E2F3: variants seen among roughly 807,000 people sequenced by gnomAD.
The protein encoded by E2F3 is E2F transcription factor 3.
A neutral mutation model predicts 44.4 loss-of-function variants in E2F3; 11 were observed. That is an observed-to-expected ratio of 0.25 (90% CI 0.16 to 0.41). The LOEUF is 0.41. Ranked by LOEUF, E2F3 falls within the 10% of genes least tolerant of loss-of-function variation. E2F3 has a pLI of 1.00. For synonymous variants in E2F3, 249 were observed against 253.0 expected, an observed-to-expected ratio of 0.98 and a Z score of 0.15; for missense variants, 487 against 583.6, an observed-to-expected ratio of 0.83 and a Z score of 1.70.
At chr6:20,481,749 G>A (rs796283129) in intron 3 of E2F3, among the ~76,000 whole-genome samples, 19 of 152,224 alleles carry the variant, frequency 1.2e-4, no homozygotes, top group African/African-American at 4.1e-4. Context: ...GTGCACCCAC[G>A]TGTGTATCTG....
At chr6:20,409,959 T>C (rs1388928280) in intron 1 of E2F3, among the ~76,000 whole-genome samples, 1 of 152,238 alleles carries the variant, frequency 6.6e-6, no homozygotes, top group Non-Finnish European at 1.5e-5. Flanking sequence ...TGATTTCCTC[T>C]GGAAAGTTTT....
At chr6:20,447,280 G>C (rs930846584) in intron 1 of E2F3, among the ~76,000 whole-genome samples, 3 of 152,080 alleles carry the variant, frequency 2.0e-5, no homozygotes, top group African/African-American at 7.2e-5. Context: ...TTGCCCAAGG[G>C]ACAAATGAGC....
intron 1 of E2F3, among the ~76,000 whole-genome samples, chr6:20,476,743 G>C (rs960188304): frequency 6.6e-6 from 1 of 152,244 alleles, no homozygotes; most frequent in Non-Finnish European, 1.5e-5. Flanking sequence ...GATCACCTGT[G>C]TGCACAGATG....
intron 1 of E2F3, among the ~76,000 whole-genome samples, chr6:20,475,263 C>A (rs1279792500): frequency 6.6e-6 from 1 of 152,228 alleles, no homozygotes; most frequent in Admixed American, 6.5e-5. Flanking sequence ...CACATGAAGA[C>A]TAGTCCCGGT....
intron 1 of E2F3, among the ~76,000 whole-genome samples, chr6:20,467,412 A>G (rs763319767): frequency 6.6e-6 from 1 of 152,152 alleles, no homozygotes; most frequent in Admixed American, 6.5e-5. Flanking sequence ...CTGCTCCTAA[A>G]TTACTCTCAC....
chr6:20,473,143 T>C (rs1761945380), intron 1 of E2F3, among the ~76,000 whole-genome samples: 1 of 152,244 alleles, frequency 6.6e-6, no homozygotes, highest in African/African-American at 2.4e-5. Context: ...TTTCCATTTA[T>C]ACTCATTTAT....
intron 1 of E2F3, chr6:20,403,757 C>G: frequency 6.7e-7 from 1 of 1,489,964 alleles, no homozygotes; most frequent in Non-Finnish European, 8.9e-7. Flanking sequence ...GTTCGGCCCT[C>G]CGGGCCCCCT....
At chr6:20,470,135 T>G (rs973598021) in intron 1 of E2F3, among the ~76,000 whole-genome samples, 4 of 152,214 alleles carry the variant, frequency 2.6e-5, no homozygotes. Context: ...CACTCCCTTA[T>G]CTGCATAACA....
At chr6:20,424,953 G>A (rs201880418) in intron 1 of E2F3, among the ~76,000 whole-genome samples, 1 of 152,178 alleles carries the variant, frequency 6.6e-6, no homozygotes, top group Admixed American at 6.5e-5. Context: ...CAGACACGTG[G>A]GGTTTTCTCA....
intron 1 of E2F3, among the ~76,000 whole-genome samples, chr6:20,407,103 G>A (rs1759518094): frequency 6.6e-6 from 1 of 151,928 alleles, no homozygotes; most frequent in Admixed American, 6.6e-5. Context: ...ATTTCAGCAG[G>A]GTCTCTTTTC....
intron 5 of E2F3, among the ~76,000 whole-genome samples, chr6:20,487,231 G>A (rs1439995226): frequency 2.6e-5 from 4 of 152,178 alleles, no homozygotes; most frequent in Admixed American, 1.3e-4. Context: ...TTAGCTGATA[G>A]ACTAGAATAT....
intron 1 of E2F3, among the ~76,000 whole-genome samples, chr6:20,441,734 T>A (rs1386923983): frequency 6.6e-6 from 1 of 150,738 alleles, no homozygotes; most frequent in Admixed American, 6.6e-5. Flanking sequence ...AATTTTTTTT[T>A]TTTTTTTTTT....
At chr6:20,428,649 A>G (rs1211154346) in intron 1 of E2F3, among the ~76,000 whole-genome samples, 1 of 152,228 alleles carries the variant, frequency 6.6e-6, no homozygotes, top group Non-Finnish European at 1.5e-5. Context: ...GCCCTCTGAT[A>G]CGTGCTAAGC....
intron 1 of E2F3, among the ~76,000 whole-genome samples, chr6:20,446,718 G>A (rs1465827314): frequency 2.0e-5 from 3 of 151,982 alleles, no homozygotes; most frequent in East Asian, 1.9e-4. Context: ...ACAGGTGTGC[G>A]CTACCACACC....
At chr6:20,427,775 C>T (rs1038188010) in intron 1 of E2F3, among the ~76,000 whole-genome samples, 1 of 152,214 alleles carries the variant, frequency 6.6e-6, no homozygotes, top group African/African-American at 2.4e-5. Flanking sequence ...CTCCTCTTTT[C>T]GAAGTCCTAG....
intron 1 of E2F3, among the ~76,000 whole-genome samples, chr6:20,445,561 C>CATTT (rs1436145256): frequency 6.6e-6 from 1 of 152,168 alleles, no homozygotes; most frequent in African/African-American, 2.4e-5. Context: ...ACCCCCTCTA[C>CATTT]ATTTGTTTAT....
At position 20,402,529 on chromosome 6, in the gene E2F3, C is replaced by T. The variant is rs377131864; in HGVS notation, c.297C>T (p.Leu99=). The T allele has an allele frequency of 6.3e-7, 1 of 1,598,822 alleles. No individual in the cohort carries two copies. The highest frequency in any genetic ancestry group is 2.2e-5 in the East Asian group (1 of 44,518). The change falls in exon 1 of 7, where the codon CTC becomes CTT. Residue 99 remains leucine, a synonymous_variant. Transcript: ENST00000346618. The surrounding 1 kb of genome is among the most constrained non-coding windows in gnomAD (Gnocchi z 5.6). ...CGGAGCAGACCGCCGGCAGCCTCCTCTACACCACGCCGCACGGACCCTCCA... is the reference window on the plus strand; with the variant it reads ...CGGAGCAGACCGCCGGCAGCCTCCTTTACACCACGCCGCACGGACCCTCCA... ...PGAEQTAGSL[L]YTTPHGPSSR... is the part of the protein sequence containing the mutation.
intron 1 of E2F3, among the ~76,000 whole-genome samples, chr6:20,424,396 TG>T (rs1760139877): frequency 6.6e-6 from 1 of 151,906 alleles, no homozygotes; most frequent in African/African-American, 2.4e-5. Context: ...TGTGTGTGTG[TG>T]TGTGTGTGTG....
chr6:20,490,647 C>G lies in E2F3; in HGVS notation c.*217C>G, dbSNP rs1057441109. On this transcript the variant is annotated 3_prime_UTR_variant, in exon 7 of 7. Coordinates refer to ENST00000346618, the MANE Select transcript of E2F3 (RefSeq NM_001949.5). This position sits in a 1 kb window ranked among gnomAD's most constrained non-coding sequence, Gnocchi z 4.3. Reference sequence around the variant, plus strand: ...ACAGTTGCAGGCTCCCTTGGGAAAGCCCTGCTTTGCTCCAGGCTCCAAGAT... The same window carrying G: ...ACAGTTGCAGGCTCCCTTGGGAAAGGCCTGCTTTGCTCCAGGCTCCAAGAT... 1 of 404,432 alleles carries G rather than the reference C, an allele frequency of 2.5e-6. No homozygotes were observed. The highest frequency in any genetic ancestry group is 2.1e-5 in the African/African-American group (1 of 48,646). The allele number at this position is 404,432 out of a possible 1,614,324, so 25.1% of individuals were successfully genotyped here.
Sources: allele counts gnomAD v4.1 joint callset (sites outside exome capture counted in the v4.1 genomes callset), GRCh38; gene constraint gnomAD v4.1.1; non-coding constraint Gnocchi (gnomAD v3.1); transcripts MANE v1.5; gene names NCBI Gene and HGNC (gene_info 2026-07-23, HGNC 2026-07-21).